SLIT1: variants seen among roughly 807,000 people sequenced by gnomAD.
SLIT1 encodes the protein slit homolog 1 protein.
Under a neutral mutation model 186.1 loss-of-function variants are expected in SLIT1, and 66 were observed. The ratio of observed to expected loss-of-function variants is 0.35; its 90% CI spans 0.29 to 0.44. SLIT1 has a LOEUF of 0.44. SLIT1 is among the 20% of genes least tolerant of loss of function. The pLI is 1.00. For missense variants in SLIT1, 1,638 were observed against 2,037.4 expected (o/e 0.80, Z 3.77); for synonymous variants, 761 against 833.8 (o/e 0.91, Z 1.50).
At chr10:97,106,099 C>T (rs1254600558) in intron 4 of SLIT1, among the ~76,000 whole-genome samples, 2 of 152,196 alleles carry the variant, frequency 1.3e-5, no homozygotes. Context: ...TGGAGATCCG[C>T]CCCTCCCCAA....
In SLIT1 at chr10:97,127,638, C is replaced by T. The variant is rs370561259; in HGVS notation, c.413+30180G>A. On this transcript the variant is annotated intron_variant, in intron 4 of 36. Coordinates refer to ENST00000266058, the MANE Select transcript of SLIT1 (RefSeq NM_003061.3). ...ACCTCACCTCTATGTGTGCAAGTTC[C>T]ACTCTACGAAGAAACACTCACTAGA... 2.0e-4 allele frequency among the ~76,000 whole-genome samples: 31 copies of T among 152,292 alleles called. 1 individual carries two copies. In the East Asian group the frequency reaches 3.1e-3, roughly 15 times the overall value.
At chr10:97,082,505 G>A (rs1334880582) in intron 4 of SLIT1, among the ~76,000 whole-genome samples, 1 of 152,114 alleles carries the variant, frequency 6.6e-6, no homozygotes, top group Non-Finnish European at 1.5e-5. Flanking sequence ...CATGATCTCG[G>A]CTCACTGGAA....
intron 22 of SLIT1, among the ~76,000 whole-genome samples, chr10:97,035,710 C>G (rs57573427): frequency 0.21 from 32,356 of 152,144 alleles, 4,046 homozygotes; most frequent in African/African-American, 0.33. Flanking sequence ...CATGTGGACT[C>G]CAGGCCCTCT....
rs190959825 is a variant in SLIT1 at position 97,121,644 on chromosome 10, C to T, written c.413+36174G>A. Among the ~76,000 whole-genome samples the T allele has an allele frequency of 1.3e-3, 197 of 152,326 alleles. 1 individual carries two copies. Among genetic ancestry groups the T allele is most frequent in the Non-Finnish European group, 7.5e-4 (51 of 68,034 alleles). On this transcript the variant is annotated intron_variant, in intron 4 of 36. Coordinates refer to ENST00000266058, the MANE Select transcript of SLIT1 (RefSeq NM_003061.3). ...TCCTAATCACACACCAGAAAACCCT[C>T]GGGCTAAGTGCAGCGTGATTCTGCA...
intron 4 of SLIT1, among the ~76,000 whole-genome samples, chr10:97,082,654 T>C (rs1849116981): frequency 6.6e-6 from 1 of 152,154 alleles, no homozygotes; most frequent in Non-Finnish European, 1.5e-5. Flanking sequence ...CAGGATGGCC[T>C]CGATCTCCTG....
chr10:97,150,914 C>T (rs1486763195), intron 4 of SLIT1, among the ~76,000 whole-genome samples: 1 of 152,214 alleles, frequency 6.6e-6, no homozygotes, highest in Non-Finnish European at 1.5e-5. Flanking sequence ...ATGGAAACAA[C>T]ATCTCCACAT....
intron 4 of SLIT1, among the ~76,000 whole-genome samples, chr10:97,138,365 A>G (rs145432971): frequency 2.0e-3 from 310 of 152,304 alleles, no homozygotes; most frequent in African/African-American, 7.0e-3. Flanking sequence ...ATTCACCTCC[A>G]CTATCAACAG....
intron 4 of SLIT1, among the ~76,000 whole-genome samples, chr10:97,123,158 C>T (rs1472184689): frequency 6.6e-6 from 1 of 152,240 alleles, no homozygotes; most frequent in African/African-American, 2.4e-5. Context: ...CCGCACGTCA[C>T]AGATCTTGTC....
chr10:97,110,645 C>T (rs891193436), intron 4 of SLIT1, among the ~76,000 whole-genome samples: 4 of 152,200 alleles, frequency 2.6e-5, no homozygotes, highest in African/African-American at 7.2e-5. Context: ...TACATATATA[C>T]ATCTATGTAG....
intron 4 of SLIT1, among the ~76,000 whole-genome samples, chr10:97,104,641 T>C (rs1465212506): frequency 6.6e-6 from 1 of 151,868 alleles, no homozygotes; most frequent in East Asian, 1.9e-4. Context: ...AATCCACACC[T>C]CCAGCCCCCA....
At chr10:97,078,287 C>T (rs532346253) in intron 4 of SLIT1, among the ~76,000 whole-genome samples, 1 of 152,086 alleles carries the variant, frequency 6.6e-6, no homozygotes, top group South Asian at 2.1e-4. Flanking sequence ...GTGCCAGGTC[C>T]CATCAGCTGG....
intron 4 of SLIT1, among the ~76,000 whole-genome samples, chr10:97,122,777 G>T (rs1849571315): frequency 6.6e-6 from 1 of 152,042 alleles, no homozygotes; most frequent in Non-Finnish European, 1.5e-5. Context: ...GAAGCTGCTT[G>T]CCAGTGCCAG....
intron 4 of SLIT1, among the ~76,000 whole-genome samples, chr10:97,071,740 C>A (rs931530084): frequency 2.0e-5 from 3 of 152,092 alleles, no homozygotes; most frequent in Non-Finnish European, 2.9e-5. Flanking sequence ...CCACGGGACA[C>A]GTATAAGTCT....
chr10:97,001,595 A>G (rs1320998027), intron 36 of SLIT1, among the ~76,000 whole-genome samples: 3 of 151,912 alleles, frequency 2.0e-5, no homozygotes, highest in Non-Finnish European at 4.4e-5. Context: ...TGCTGGAGGG[A>G]GGGGGGGTCC....
At chr10:97,019,897 T>A (rs1410957618) in intron 26 of SLIT1, among the ~76,000 whole-genome samples, 1 of 152,140 alleles carries the variant, frequency 6.6e-6, no homozygotes, top group Non-Finnish European at 1.5e-5. Flanking sequence ...ATAAAAACAC[T>A]TTTCAGCAAC....
At chr10:97,048,178 ACTGGGGGTGTCGCATC>A (rs1471518421) in intron 14 of SLIT1, among the ~76,000 whole-genome samples, 182 bp from the exon 15 acceptor site, 1 of 152,220 alleles carries the variant, frequency 6.6e-6, no homozygotes, top group Non-Finnish European at 1.5e-5. Flanking sequence ...CCAGGCTGAC[ACTGGGGGTGTCGCATC>A]CAGTTAAACC....
intron 4 of SLIT1, among the ~76,000 whole-genome samples, chr10:97,155,935 A>G (rs930478550): frequency 1.3e-5 from 2 of 152,254 alleles, no homozygotes; most frequent in Non-Finnish European, 2.9e-5. Flanking sequence ...AGATGCTTGC[A>G]TGTGGCCAGC....
intron 4 of SLIT1, among the ~76,000 whole-genome samples, chr10:97,113,342 G>A (rs932024626): frequency 1.2e-4 from 18 of 151,342 alleles, no homozygotes; most frequent in African/African-American, 4.1e-4. Context: ...AGGTTCAAGC[G>A]ACTGTCCTGC....
intron 28 of SLIT1, among the ~76,000 whole-genome samples, chr10:97,018,022 T>C (rs571660616): frequency 6.6e-6 from 1 of 152,118 alleles, no homozygotes; most frequent in South Asian, 2.1e-4. Flanking sequence ...CTAATTTTTG[T>C]ATTTTTATTA....
Sources: allele counts gnomAD v4.1 joint callset (sites outside exome capture counted in the v4.1 genomes callset), GRCh38; gene constraint gnomAD v4.1.1; transcripts MANE v1.5; gene names NCBI Gene and HGNC (gene_info 2026-07-23, HGNC 2026-07-21).